SLC6A11: variants seen among roughly 807,000 people sequenced by gnomAD.
SLC6A11 encodes solute carrier family 6 member 11.
In SLC6A11, 25 loss-of-function variants were observed where a neutral mutation model predicts 74.8. The ratio of observed to expected loss-of-function variants is 0.33; its 90% CI spans 0.24 to 0.47. SLC6A11 has a LOEUF of 0.47. SLC6A11 is among the 20% of genes least tolerant of loss of function. The probability of loss-of-function intolerance (pLI) is 1.00; values close to 1 mark genes in which losing one functional copy is unlikely to be tolerated. For synonymous variants in SLC6A11, 330 were observed against 330.2 expected (o/e 1.00, Z 0.01); for missense variants, 574 against 837.0 (o/e 0.69, Z 3.88).
chr3:10,829,153 A>G (rs187808761), intron 4 of SLC6A11, among the ~76,000 whole-genome samples: 1 of 152,354 alleles, frequency 6.6e-6, no homozygotes, highest in East Asian at 1.9e-4. Context: ...TTTAATGTGT[A>G]AGAAGATTTT....
chr3:10,819,292 T>G lies in SLC6A11; in HGVS notation c.257-173T>G, dbSNP rs939930710. On this transcript the variant is annotated intron_variant, in intron 1 of 13. Coordinates refer to ENST00000254488, the MANE Select transcript of SLC6A11 (RefSeq NM_014229.3). ...GAAGTTGAGACTTGGAGATGTGAGG[T>G]AGACTTACAGAAACCTAGCGCTGTT... is the stretch of plus-strand genomic sequence containing the variant. 3.3e-5 allele frequency among the ~76,000 whole-genome samples: 5 copies of G among 152,184 alleles called. No homozygotes were observed. The East Asian group carries it at 5.8e-4, about 18-fold the overall frequency.
rs1694066131 is a variant in SLC6A11, at chr3:10,816,683, G to A, written c.256+162G>A. Among the ~76,000 whole-genome samples the A allele has an allele frequency of 6.6e-6, 1 of 152,198 alleles. No homozygotes were observed. The highest frequency in any genetic ancestry group is 2.1e-4 in the South Asian group (1 of 4,836). On this transcript the variant is annotated intron_variant, in intron 1 of 13. Coordinates refer to ENST00000254488, the MANE Select transcript of SLC6A11 (RefSeq NM_014229.3). The surrounding 1 kb of genome is among the most constrained non-coding windows in gnomAD (Gnocchi z 4.2). ...GCGTGTGAGCTCGCCCCGGAGCGCG[G>A]CCCACCTGTGCCAGTGCGCACGCGC...
intron 8 of SLC6A11, among the ~76,000 whole-genome samples, chr3:10,919,219 A>G (rs1166501683): frequency 6.6e-6 from 1 of 152,214 alleles, no homozygotes; most frequent in Non-Finnish European, 1.5e-5. Flanking sequence ...ATTGTGCAAA[A>G]TGGTGAAAAA....
chr3:10,901,353 C>T (rs1258865239), intron 6 of SLC6A11, among the ~76,000 whole-genome samples: 2 of 152,224 alleles, frequency 1.3e-5, no homozygotes, highest in Non-Finnish European at 2.9e-5. Context: ...CAGTGACCCT[C>T]GTTCCCTGCT....
At chr3:10,897,895 T>C (rs1695189562) in intron 6 of SLC6A11, among the ~76,000 whole-genome samples, 1 of 152,242 alleles carries the variant, frequency 6.6e-6, no homozygotes, top group Admixed American at 6.5e-5. Flanking sequence ...AGCAAACTTC[T>C]GTCTGGACAT....
chr3:10,877,589 G>C (rs1694925331), intron 6 of SLC6A11, among the ~76,000 whole-genome samples: 1 of 152,164 alleles, frequency 6.6e-6, no homozygotes, highest in African/African-American at 2.4e-5. Context: ...CTGACTTCCA[G>C]ACTCTCAGAG....
intron 11 of SLC6A11, among the ~76,000 whole-genome samples, chr3:10,933,714 C>T (rs1297315348): frequency 6.6e-6 from 1 of 152,130 alleles, no homozygotes; most frequent in East Asian, 1.9e-4. Flanking sequence ...CCTCTGCAGG[C>T]CCCTGCTCTG....
chr3:10,840,485 C>T (rs1439010552), intron 4 of SLC6A11, among the ~76,000 whole-genome samples: 1 of 152,218 alleles, frequency 6.6e-6, no homozygotes, highest in Non-Finnish European at 1.5e-5. Flanking sequence ...CACTAGACCA[C>T]GGGCTCTTTA....
chr3:10,936,837 G>C (rs775305729), intron 13 of SLC6A11, among the ~76,000 whole-genome samples: 1 of 152,124 alleles, frequency 6.6e-6, no homozygotes, highest in Non-Finnish European at 1.5e-5. Flanking sequence ...GATCATCTCC[G>C]GCCTGGTGTG....
At chr3:10,901,746 C>T (rs913808988) in intron 6 of SLC6A11, among the ~76,000 whole-genome samples, 2 of 152,166 alleles carry the variant, frequency 1.3e-5, no homozygotes, top group African/African-American at 4.8e-5. Context: ...TCATAATGGC[C>T]ATACTGTATT....
At chr3:10,860,363 A>T (rs1694688714) in intron 5 of SLC6A11, among the ~76,000 whole-genome samples, 1 of 152,220 alleles carries the variant, frequency 6.6e-6, no homozygotes, top group Non-Finnish European at 1.5e-5. Context: ...TTTCAGAGAT[A>T]ATAAGGTGAA....
chr3:10,819,800 C>T lies in SLC6A11; in HGVS notation c.480C>T (p.Asn160=), dbSNP rs374893074. The change falls in exon 3 of 14, where the codon AAC becomes AAT. Residue 160 remains asparagine (N), a synonymous_variant. Transcript: ENST00000254488. The part of the protein sequence containing the change: ...ILAWAIFYLS[N]CFTTELPWAT... ...CATGGGCCATTTTTTACCTGAGCAA[C>T]TGCTTCACTACTGAGCTACCCTGGG... 1 of 1,614,252 alleles carries T rather than the reference C, an allele frequency of 6.2e-7. No homozygotes were observed. The highest frequency in any genetic ancestry group is 8.5e-7 in the Non-Finnish European group (1 of 1,180,048).
chr3:10,882,334 C>A (rs1031791453), intron 6 of SLC6A11, among the ~76,000 whole-genome samples: 1 of 152,158 alleles, frequency 6.6e-6, no homozygotes, highest in Non-Finnish European at 1.5e-5. Context: ...CCCGCCCGAC[C>A]GGTGCAGTCA....
At chr3:10,868,176 C>T (rs148973256) in intron 5 of SLC6A11, among the ~76,000 whole-genome samples, 1 of 152,146 alleles carries the variant, frequency 6.6e-6, no homozygotes, top group African/African-American at 2.4e-5. Context: ...ATGGAACTGG[C>T]CCCAGCTGCC....
intron 3 of SLC6A11, among the ~76,000 whole-genome samples, chr3:10,823,092 C>T (rs1395165172): frequency 6.6e-6 from 1 of 152,136 alleles, no homozygotes; most frequent in Non-Finnish European, 1.5e-5. Flanking sequence ...GAGAAGGCCC[C>T]CTGCCCCATA....
intron 6 of SLC6A11, among the ~76,000 whole-genome samples, chr3:10,911,143 T>G (rs1190542679): frequency 6.6e-6 from 1 of 152,198 alleles, no homozygotes; most frequent in Non-Finnish European, 1.5e-5. Context: ...GCCGTGAATA[T>G]TCAGTAATGC....
At chr3:10,821,801 G>A (rs1694141646) in intron 3 of SLC6A11, among the ~76,000 whole-genome samples, 1 of 145,826 alleles carries the variant, frequency 6.9e-6, no homozygotes, top group Non-Finnish European at 1.5e-5. Context: ...TGGGTGTCCA[G>A]TAATTTTTTT....
intron 6 of SLC6A11, among the ~76,000 whole-genome samples, chr3:10,883,979 C>T (rs2581214): frequency 6.6e-6 from 1 of 152,136 alleles, no homozygotes; most frequent in Non-Finnish European, 1.5e-5. Context: ...TCACACATGG[C>T]GCTTATCTTC....
chr3:10,839,601 C>T (rs959381675), intron 4 of SLC6A11, among the ~76,000 whole-genome samples: 3 of 152,304 alleles, frequency 2.0e-5, no homozygotes, highest in East Asian at 1.9e-4. Flanking sequence ...GGGGCTTGGT[C>T]GCAGGCCCCA....
Sources: allele counts gnomAD v4.1 joint callset (sites outside exome capture counted in the v4.1 genomes callset), GRCh38; gene constraint gnomAD v4.1.1; non-coding constraint Gnocchi (gnomAD v3.1); transcripts MANE v1.5; gene names NCBI Gene and HGNC (gene_info 2026-07-23, HGNC 2026-07-21).